Variants in FAM81A observed in about 807,000 individuals in gnomAD.
FAM81A encodes family with sequence similarity 81 member A, also known as protein FAM81A.
Under a neutral mutation model 46.7 loss-of-function variants are expected in FAM81A, and 19 were observed. The observed-to-expected ratio is 0.41, with a 90% CI of 0.28 to 0.60. FAM81A has a LOEUF of 0.60. Ranked by LOEUF, FAM81A falls within the 20% of genes least tolerant of loss-of-function variation. FAM81A has a pLI of 0.34. For synonymous variants in FAM81A, 183 were observed against 152.9 expected, an observed-to-expected ratio of 1.20 and a Z score of -1.45; for missense variants, 377 against 453.5, an observed-to-expected ratio of 0.83 and a Z score of 1.53.
At chr15:59,484,800 G>A (rs969660503) in intron 3 of FAM81A, among the ~76,000 whole-genome samples, 2 of 152,118 alleles carry the variant, frequency 1.3e-5, no homozygotes, top group South Asian at 2.1e-4. Context: ...CAGTGGAGAG[G>A]AGCACCAAGA....
Position 59,460,658 on chromosome 15 carries a change from C to G in FAM81A, c.294+452C>G. The G allele has an allele frequency of 4.4e-6, 1 of 226,398 alleles. No individual in the cohort carries two copies. Among genetic ancestry groups the G allele is most frequent in the Non-Finnish European group, 8.9e-6 (1 of 112,942 alleles). 14.0% of individuals were successfully genotyped at this position (226,398 alleles called of 1,614,324 possible). On this transcript the variant is annotated intron_variant, in intron 3 of 8. Coordinates refer to ENST00000288228, the MANE Select transcript of FAM81A (RefSeq NM_152450.3). The surrounding 1 kb of genome is among the most constrained non-coding windows in gnomAD (Gnocchi z 4.4). ...TCAAACAATTTAGGCATTTGGATTG[C>G]TCCTCAGACTCCCCTTTTTACTGCT...
chr15:59,492,538 G>A, intron 4 of FAM81A, 149 bp downstream of exon 4: 1 of 642,808 alleles, frequency 1.6e-6, no homozygotes, highest in Non-Finnish European at 2.6e-6. Flanking sequence ...AAAATCCAGT[G>A]GTAGGAGTTA....
chr15:59,514,511 C>T (rs2082246761), intron 7 of FAM81A, 87 bp downstream of exon 7: 2 of 1,433,638 alleles, frequency 1.4e-6, no homozygotes, highest in Non-Finnish European at 1.9e-6. Context: ...TAATTTATCA[C>T]TGATTTAGCT....
At chr15:59,462,218 A>AAC (rs1555429643) in intron 3 of FAM81A, among the ~76,000 whole-genome samples, 5 of 152,002 alleles carry the variant, frequency 3.3e-5, no homozygotes, top group African/African-American at 1.2e-4. Flanking sequence ...AAAAAAAAAA[A>AAC]AACATAGCCA....
At position 59,521,421 on chromosome 15, in the gene FAM81A, G is replaced by C. The variant is rs1296428126; in HGVS notation, c.*43G>C. 1.9e-6 allele frequency: 3 copies of C among 1,556,284 alleles called. No individual in the cohort carries two copies. The highest frequency in any genetic ancestry group is 2.7e-5 in the African/African-American group (2 of 73,252). ...TCCTAAAAGACAGTTTTGCCAGTGG[G>C]GCTAGGAGCCGGATACCTCTGTAGC... On this transcript the variant is annotated 3_prime_UTR_variant, in exon 9 of 9. Transcript: ENST00000288228.
intron 1 of FAM81A, among the ~76,000 whole-genome samples, chr15:59,441,231 C>T (rs1189297500): frequency 6.6e-6 from 1 of 152,246 alleles, no homozygotes; most frequent in Admixed American, 6.5e-5. Flanking sequence ...TCCTTCCCTA[C>T]TCTGCCCCAA....
chr15:59,421,654 A>G (rs967047643), intron 2 of FAM81A, among the ~76,000 whole-genome samples: 6 of 152,106 alleles, frequency 3.9e-5, no homozygotes, highest in African/African-American at 1.4e-4. Context: ...TTCTTGGGAA[A>G]AAGTATTGAG....
At chr15:59,456,765 G>C (rs1194381623) in intron 1 of FAM81A, among the ~76,000 whole-genome samples, 1 of 151,992 alleles carries the variant, frequency 6.6e-6, no homozygotes, top group African/African-American at 2.4e-5. Flanking sequence ...TTGTAGAGAT[G>C]GGATTTCGCC....
chr15:59,507,962 G>C (rs549966697), intron 5 of FAM81A, among the ~76,000 whole-genome samples: 1 of 152,196 alleles, frequency 6.6e-6, no homozygotes, highest in African/African-American at 2.4e-5. Context: ...GCTATTGTTC[G>C]TTTAAAGAGA....
At chr15:59,484,842 G>C (rs1277151826) in intron 3 of FAM81A, among the ~76,000 whole-genome samples, 2 of 152,140 alleles carry the variant, frequency 1.3e-5, no homozygotes, top group Non-Finnish European at 1.5e-5. Context: ...CCAGGCCTTG[G>C]CTCTTGGACT....
intron 5 of FAM81A, 98 bp from the exon 6 acceptor site, chr15:59,508,765 C>A: frequency 4.0e-6 from 3 of 748,952 alleles, no homozygotes; most frequent in Non-Finnish European, 6.5e-6. Context: ...TAGATAGAAT[C>A]TTAATGCCAT....
intron 5 of FAM81A, 123 bp downstream of exon 5, chr15:59,507,465 C>A: frequency 7.8e-7 from 1 of 1,283,982 alleles, no homozygotes; most frequent in Non-Finnish European, 1.1e-6. Context: ...TTATGCCAAT[C>A]ATAAGCATCT....
Position 59,507,215 on chromosome 15 carries a change from G to A in FAM81A, c.416G>A (p.Cys139Tyr), listed in dbSNP as rs2082158799. 6.2e-7 allele frequency: 1 copy of A among 1,609,854 alleles called. No individual in the cohort carries two copies. The highest frequency in any genetic ancestry group is 1.7e-5 in the Admixed American group (1 of 59,342). ...LGDLRGRVAR[C>Y]DASIARLSAE... ...AGCTTTGTTCTTTGTCTGGACAGAT[G>A]TGATGCCAGCATAGCTAGACTTTCT... The change falls in exon 5 of 9, where the codon TGT (cysteine) becomes TAT (tyrosine). Residue 139 changes from cysteine to tyrosine, a missense_variant and splice_region_variant. Cys to Tyr is a radical substitution (Grantham distance 194). Coordinates refer to ENST00000288228, the MANE Select transcript of FAM81A (RefSeq NM_152450.3).
At chr15:59,496,688 T>A (rs2082037769) in intron 4 of FAM81A, among the ~76,000 whole-genome samples, 1 of 152,230 alleles carries the variant, frequency 6.6e-6, no homozygotes, top group African/African-American at 2.4e-5. Context: ...TGATTCTCAA[T>A]TATTTTCTTA....
chr15:59,496,434 G>A (rs1008393671), intron 4 of FAM81A, among the ~76,000 whole-genome samples: 2 of 151,994 alleles, frequency 1.3e-5, no homozygotes, highest in African/African-American at 4.8e-5. Context: ...GTGAAACCCC[G>A]TCTCTACTAA....
chr15:59,446,201 C>T (rs2081353005), intron 1 of FAM81A, among the ~76,000 whole-genome samples: 1 of 152,204 alleles, frequency 6.6e-6, no homozygotes, highest in Non-Finnish European at 1.5e-5. Flanking sequence ...GCTGGGGAGA[C>T]ATAATCCAGA....
intron 2 of FAM81A, among the ~76,000 whole-genome samples, chr15:59,415,005 A>G (rs1303326147): frequency 6.6e-6 from 1 of 150,740 alleles, no homozygotes; most frequent in Non-Finnish European, 1.5e-5. Flanking sequence ...TTTAGTAGAG[A>G]TGGGTTTTCA....
intron 3 of FAM81A, among the ~76,000 whole-genome samples, chr15:59,478,640 C>T (rs2081805131): frequency 6.6e-6 from 1 of 152,186 alleles, no homozygotes; most frequent in African/African-American, 2.4e-5. Context: ...TGGTGATTAT[C>T]ATCCAAATTC....
At chr15:59,487,950 A>G (rs1490850380) in intron 3 of FAM81A, among the ~76,000 whole-genome samples, 2 of 127,184 alleles carry the variant, frequency 1.6e-5, no homozygotes, top group African/African-American at 3.3e-5. Flanking sequence ...AAACAAAAAC[A>G]AAAACAACAA....
Sources: allele counts gnomAD v4.1 joint callset (sites outside exome capture counted in the v4.1 genomes callset), GRCh38; gene constraint gnomAD v4.1.1; non-coding constraint Gnocchi (gnomAD v3.1); transcripts MANE v1.5; gene names NCBI Gene and HGNC (gene_info 2026-07-23, HGNC 2026-07-21).